The following USP4 variants were observed in gnomAD, a reference collection of about 807,000 sequenced individuals.
The protein encoded by USP4 is ubiquitin specific peptidase 4.
In USP4, 72 loss-of-function variants were observed where a neutral mutation model predicts 118.2. The ratio of observed to expected loss-of-function variants is 0.61; its 90% CI spans 0.50 to 0.74. The LOEUF (loss-of-function observed/expected upper bound fraction) is 0.74. USP4 is among the 30% of genes least tolerant of loss of function. The pLI, the probability that USP4 is intolerant of heterozygous loss-of-function variation, is 0.00. For synonymous variants in USP4, 415 were observed against 440.4 expected (o/e 0.94, Z 0.72); for missense variants, 1,037 against 1,185.7 (o/e 0.87, Z 1.84).
chr3:49,330,869 G>C (rs2047610005), intron 2 of USP4, among the ~76,000 whole-genome samples: 1 of 151,714 alleles, frequency 6.6e-6, no homozygotes. Context: ...AAAGTAGCCG[G>C]GTGTGGTGGC....
chr3:49,328,101 C>T, intron 2 of USP4, among the ~76,000 whole-genome samples: 1 of 151,312 alleles, frequency 6.6e-6, no homozygotes, highest in South Asian at 2.1e-4. Flanking sequence ...GTGGCTCACA[C>T]CTGTAATCAG....
At chr3:49,302,247 T>G (rs141581218) in intron 10 of USP4, 137 bp downstream of exon 10, 1 of 701,092 alleles carries the variant, frequency 1.4e-6, no homozygotes, top group Admixed American at 3.0e-5. Flanking sequence ...CCAGAGACCA[T>G]ATCCCTATAA....
At chr3:49,282,313 C>T (rs1000805642) in intron 19 of USP4, among the ~76,000 whole-genome samples, 13 of 151,794 alleles carry the variant, frequency 8.6e-5, no homozygotes, top group African/African-American at 1.7e-4. Flanking sequence ...CTCGCTGTGT[C>T]GTCCGGGCTG....
intron 3 of USP4, among the ~76,000 whole-genome samples, 167 bp from the exon 4 acceptor site, chr3:49,326,012 A>G (rs1017711471): frequency 6.6e-6 from 1 of 152,172 alleles, no homozygotes; most frequent in African/African-American, 2.4e-5. Flanking sequence ...TACCTGGACA[A>G]AGAGTTTAAA....
At chr3:49,321,400 A>C (rs553349551) in intron 6 of USP4, among the ~76,000 whole-genome samples, 1 of 151,660 alleles carries the variant, frequency 6.6e-6, no homozygotes, top group Non-Finnish European at 1.5e-5. Flanking sequence ...TTCCTCACCT[A>C]TGTTGGAATT....
rs1310461750 is a variant in USP4, at chr3:49,284,026, C to T, written c.2501G>A (p.Trp834Ter). ...TACGACTGTGTCGAGCTTATCCCTC[C>T]AGTATCTGTTGTAGGAGAAACGTTT... ...HLKRFSYNRY[W>*]RDKLDTVVEF... The change falls in exon 19 of 22, where the codon TGG becomes TAG. Residue 834 changes from tryptophan to a stop codon, truncating the protein, a stop_gained. Transcript: ENST00000265560. LOFTEE classifies it high-confidence loss of function. 1 of 1,614,264 alleles carries T rather than the reference C, an allele frequency of 6.2e-7. No homozygotes were observed. Among genetic ancestry groups the T allele is most frequent in the Admixed American group, 1.7e-5 (1 of 60,026 alleles).
In USP4 at chr3:49,300,544, G is replaced by C. The variant is rs769085093; in HGVS notation, c.1435C>G (p.Leu479Val). 16 of 1,614,098 alleles carry C rather than the reference G, an allele frequency of 9.9e-6. No homozygotes were observed. The African/African-American group carries it at 1.5e-4, about 15-fold the overall frequency. ...VTFDPFCYLT[L>V]PLPLKKDRVM... is the part of the protein sequence containing the mutation. ...CGATCTTTCTTCAAGGGCAGTGGCA[G>C]CGTTAGATAGCAAAATGGGTCAAAG... The change falls in exon 11 of 22, where the codon CTG (leucine) becomes GTG (valine). Residue 479 changes from leucine (L) to valine (V), a missense_variant. Leu to Val is a conservative substitution (Grantham distance 32). Coordinates refer to ENST00000265560, the MANE Select transcript of USP4 (RefSeq NM_003363.4).
At chr3:49,302,140 C>T (rs1017393679) in intron 10 of USP4, among the ~76,000 whole-genome samples, 1 of 149,788 alleles carries the variant, frequency 6.7e-6, no homozygotes, top group African/African-American at 2.5e-5. Flanking sequence ...TGCTTGAGCT[C>T]AGGAGCTGGA....
At chr3:49,290,991 CG>C (rs1379063995) in intron 15 of USP4, among the ~76,000 whole-genome samples, 1 of 150,828 alleles carries the variant, frequency 6.6e-6, no homozygotes, top group Admixed American at 6.6e-5. Context: ...TTTTTGGAGA[CG>C]GAGTCTCAAT....
intron 6 of USP4, chr3:49,318,250 T>C: frequency 1.1e-6 from 1 of 903,090 alleles, no homozygotes; most frequent in Non-Finnish European, 1.3e-6. Flanking sequence ...ATTACAGGCA[T>C]GAGCCACCAG....
At chr3:49,283,857 G>C (rs2047065051) in intron 19 of USP4, 130 bp downstream of exon 19, 2 of 1,074,726 alleles carry the variant, frequency 1.9e-6, no homozygotes, top group African/African-American at 3.1e-5. Context: ...GCTAAACTCT[G>C]ACCTCCTAGA....
intron 2 of USP4, among the ~76,000 whole-genome samples, chr3:49,330,758 C>A (rs1459068854): frequency 6.6e-6 from 1 of 151,782 alleles, no homozygotes; most frequent in African/African-American, 2.4e-5. Context: ...CACCTGTAAT[C>A]CCAGCACTTT....
intron 5 of USP4, 38 bp downstream of exon 5, chr3:49,324,856 C>T: frequency 1.2e-6 from 2 of 1,614,032 alleles, no homozygotes; most frequent in Admixed American, 3.3e-5. Flanking sequence ...ACACCCTGGG[C>T]AGAGCTACCT....
intron 1 of USP4, among the ~76,000 whole-genome samples, chr3:49,337,308 A>G (rs1024286486): frequency 6.6e-6 from 1 of 152,152 alleles, no homozygotes; most frequent in Non-Finnish European, 1.5e-5. Flanking sequence ...ATGCGTGTAC[A>G]TATATAAATA....
chr3:49,338,700 C>G (rs1003172620), intron 1 of USP4, among the ~76,000 whole-genome samples: 2 of 145,220 alleles, frequency 1.4e-5, no homozygotes, highest in Non-Finnish European at 3.1e-5. Flanking sequence ...GAAAAGAAAA[C>G]ACAAAAAAAG....
At chr3:49,299,119 T>G (rs1177018615) in intron 11 of USP4, among the ~76,000 whole-genome samples, 1 of 152,020 alleles carries the variant, frequency 6.6e-6, no homozygotes, top group African/African-American at 2.4e-5. Flanking sequence ...AGACACAGTC[T>G]TGCTCTGTCA....
Position 49,298,468 on chromosome 3 carries a change from A to G in USP4, c.1596+84T>C, listed in dbSNP as rs1011271075. 1.2e-5 allele frequency: 16 copies of G among 1,346,876 alleles called. No homozygotes were observed. In the East Asian group the frequency reaches 3.7e-4, roughly 31 times the overall value. The allele number at this position is 1,346,876 out of a possible 1,614,324, so 83.4% of individuals were successfully genotyped here. On this transcript the variant is annotated intron_variant, in intron 12 of 21. Coordinates refer to ENST00000265560, the MANE Select transcript of USP4 (RefSeq NM_003363.4). ...GTGCTGGCAATAACAACAACCCCAA[A>G]AAGTGGCTTCAAGGTTGAAAGTAAA...
At chr3:49,335,392 G>A (rs373350155) in intron 2 of USP4, 77 bp downstream of exon 2, 29 of 1,589,514 alleles carry the variant, frequency 1.8e-5, no homozygotes, top group Middle Eastern at 3.3e-4. Context: ...AGTTCACAAC[G>A]TCCATGTTAC....
At chr3:49,290,774 C>A (rs1448449465) in intron 15 of USP4, among the ~76,000 whole-genome samples, 1 of 152,212 alleles carries the variant, frequency 6.6e-6, no homozygotes, top group Non-Finnish European at 1.5e-5. Flanking sequence ...CTTGGCCTCC[C>A]AAAGTGCTGG....
Sources: allele counts gnomAD v4.1 joint callset (sites outside exome capture counted in the v4.1 genomes callset), GRCh38; gene constraint gnomAD v4.1.1; transcripts MANE v1.5; gene names NCBI Gene and HGNC (gene_info 2026-07-23, HGNC 2026-07-21).